The following DLGAP1 variants were observed in gnomAD, a reference collection of about 807,000 sequenced individuals.
The protein encoded by DLGAP1 is DLG associated protein 1.
A neutral mutation model predicts 90.8 loss-of-function variants in DLGAP1; 11 were observed. The ratio of observed to expected loss-of-function variants is 0.12; its 90% CI spans 0.08 to 0.20. The LOEUF (loss-of-function observed/expected upper bound fraction) is 0.20, where lower values mean the gene tolerates loss of function less well. DLGAP1 is among the 10% of genes least tolerant of loss of function. DLGAP1 has a pLI of 1.00. For missense variants in DLGAP1, 1,050 were observed against 1,333.8 expected (o/e 0.79, Z 3.31); for synonymous variants, 558 against 540.7 (o/e 1.03, Z -0.44).
intron 1 of DLGAP1, among the ~76,000 whole-genome samples, chr18:4,224,830 G>T (rs1355685663): frequency 6.6e-6 from 1 of 152,162 alleles, no homozygotes; most frequent in African/African-American, 2.4e-5. Flanking sequence ...AGATTGTAGA[G>T]CCCTAAGGCC....
At chr18:3,683,013 C>T (rs143141357) in intron 7 of DLGAP1, among the ~76,000 whole-genome samples, 214 of 152,068 alleles carry the variant, frequency 1.4e-3, no homozygotes, top group African/African-American at 4.9e-3. Context: ...CGTGCCCTCA[C>T]GCCTGGCTAA....
chr18:4,079,858 C>G (rs2075579737), intron 2 of DLGAP1, among the ~76,000 whole-genome samples: 1 of 152,008 alleles, frequency 6.6e-6, no homozygotes, highest in Admixed American at 6.6e-5. Flanking sequence ...CTAGGAGTAG[C>G]AATAGACTTG....
rs5822772 is a variant in DLGAP1 at position 3,872,225 on chromosome 18, CAAAA to C, written c.957+6883_957+6886del. On this transcript the variant is annotated intron_variant, in intron 4 of 12. Transcript: ENST00000315677. ...TTAATCACGTGAGTGCTCTCCAAGA[CAAAA>C]AAAAAAAAAAAAAAAAATTAAAAAC... Among the ~76,000 whole-genome samples, 674 of 87,092 alleles carry C rather than the reference CAAAA, an allele frequency of 7.7e-3. 2 individuals are homozygous for C. The highest frequency in any genetic ancestry group is 0.027 in the African/African-American group (645 of 24,202). The allele number at this position is 87,092 out of a possible 152,430, so 57.1% of individuals were successfully genotyped here.
intron 7 of DLGAP1, among the ~76,000 whole-genome samples, chr18:3,584,603 G>A (rs929800365): frequency 2.0e-5 from 3 of 152,120 alleles, no homozygotes; most frequent in African/African-American, 7.2e-5. Flanking sequence ...TCAAGCAAAT[G>A]TCTCATTACA....
At chr18:4,044,415 C>A (rs537318853) in intron 2 of DLGAP1, among the ~76,000 whole-genome samples, 78 of 152,230 alleles carry the variant, frequency 5.1e-4, no homozygotes, top group African/African-American at 1.9e-3. Flanking sequence ...TCCAAATTGC[C>A]CGGTGTTGAG....
intron 7 of DLGAP1, among the ~76,000 whole-genome samples, chr18:3,716,804 C>G (rs190076712): frequency 1.3e-5 from 2 of 151,964 alleles, no homozygotes; most frequent in Non-Finnish European, 2.9e-5. Flanking sequence ...TACCAAAGTC[C>G]TCTCCTTTCC....
intron 7 of DLGAP1, among the ~76,000 whole-genome samples, chr18:3,721,142 T>C (rs1447321953): frequency 6.6e-6 from 1 of 152,160 alleles, no homozygotes; most frequent in Non-Finnish European, 1.5e-5. Context: ...TTTTCTAGTT[T>C]GTGTTTTCTG....
At chr18:4,040,472 G>C (rs1156320324) in intron 2 of DLGAP1, among the ~76,000 whole-genome samples, 1 of 152,068 alleles carries the variant, frequency 6.6e-6, no homozygotes, top group East Asian at 1.9e-4. Context: ...AACAGGTCTA[G>C]GATGCAGAGA....
intron 3 of DLGAP1, among the ~76,000 whole-genome samples, chr18:3,987,167 T>C (rs144685535): frequency 7.3e-4 from 111 of 152,266 alleles, no homozygotes; most frequent in African/African-American, 2.6e-3. Context: ...TCCTCATCTG[T>C]CAAATGGTAG....
intron 4 of DLGAP1, among the ~76,000 whole-genome samples, chr18:3,843,691 C>A (rs2068845523): frequency 6.6e-6 from 1 of 152,070 alleles, no homozygotes; most frequent in Admixed American, 6.6e-5. Flanking sequence ...AACAATGCAC[C>A]ACGTTTGAGC....
chr18:4,052,522 G>T (rs1471269538), intron 2 of DLGAP1, among the ~76,000 whole-genome samples: 3 of 152,050 alleles, frequency 2.0e-5, no homozygotes, highest in Non-Finnish European at 2.9e-5. Flanking sequence ...GGGGGCCCTG[G>T]ACCCAGCCTG....
chr18:3,529,683 A>C (rs545994631), intron 10 of DLGAP1, among the ~76,000 whole-genome samples: 2 of 152,310 alleles, frequency 1.3e-5, no homozygotes, highest in South Asian at 4.1e-4. Context: ...CGGTTATTAT[A>C]AAATAATGTG....
intron 1 of DLGAP1, among the ~76,000 whole-genome samples, chr18:4,448,105 C>T (rs2083712004): frequency 6.6e-6 from 1 of 152,158 alleles, no homozygotes; most frequent in Non-Finnish European, 1.5e-5. Flanking sequence ...GTCGGTCCTT[C>T]TTCCTATGTA....
chr18:3,849,244 T>C (rs970500590), intron 4 of DLGAP1, among the ~76,000 whole-genome samples: 1 of 152,126 alleles, frequency 6.6e-6, no homozygotes, highest in African/African-American at 2.4e-5. Flanking sequence ...AAGTGATCAT[T>C]TGGGATCAAC....
At chr18:3,854,842 C>G (rs1348978328) in intron 4 of DLGAP1, among the ~76,000 whole-genome samples, 1 of 152,164 alleles carries the variant, frequency 6.6e-6, no homozygotes, top group Non-Finnish European at 1.5e-5. Flanking sequence ...GATAGAAGTT[C>G]ATGGCCAAAG....
intron 1 of DLGAP1, among the ~76,000 whole-genome samples, chr18:4,171,605 C>A (rs756241723): frequency 6.6e-6 from 1 of 150,990 alleles, no homozygotes; most frequent in Non-Finnish European, 1.5e-5. Flanking sequence ...CTTTAGGAGG[C>A]GAATTATTGA....
rs1441095000 is a variant in DLGAP1, at chr18:3,720,888, C to CCAAAAAAAAAAAAAAAAAAAAAAAAAAA, written c.1591+8246_1591+8247insTTTTTTTTTTTTTTTTTTTTTTTTTTTG. On this transcript the variant is annotated intron_variant, in intron 7 of 12. Transcript: ENST00000315677. ...GCAACATACTAAGACCTTGTCTCTA[C>CCAAAAAAAAAAAAAAAAAAAAAAAAAAA]AAAAAAAAAAAAAAAAAAAAATTAG... Among the ~76,000 whole-genome samples the CCAAAAAAAAAAAAAAAAAAAAAAAAAAA allele has an allele frequency of 7.6e-4, 38 of 50,308 alleles. 8 individuals carry two copies. The highest frequency in any genetic ancestry group is 2.8e-3 in the African/African-American group (35 of 12,490). 33.0% of individuals were successfully genotyped at this position (50,308 alleles called of 152,430 possible).
intron 3 of DLGAP1, among the ~76,000 whole-genome samples, chr18:3,891,261 C>G (rs2071450745): frequency 6.6e-6 from 1 of 152,198 alleles, no homozygotes; most frequent in African/African-American, 2.4e-5. Flanking sequence ...CTAGGAGAGA[C>G]AGCAGGTCAA....
chr18:4,267,473 C>T (rs959653457), intron 1 of DLGAP1, among the ~76,000 whole-genome samples: 5 of 152,190 alleles, frequency 3.3e-5, no homozygotes, highest in Non-Finnish European at 5.9e-5. Context: ...TTTCTCCCCA[C>T]CTCCATTTGT....
Sources: allele counts gnomAD v4.1 joint callset (sites outside exome capture counted in the v4.1 genomes callset), GRCh38; gene constraint gnomAD v4.1.1; transcripts MANE v1.5; gene names NCBI Gene and HGNC (gene_info 2026-07-23, HGNC 2026-07-21).